ANKRD13C: variants seen among roughly 807,000 people sequenced by gnomAD.
ANKRD13C encodes the protein ankyrin repeat domain-containing protein 13C.
In ANKRD13C, 16 loss-of-function variants were observed where a neutral mutation model predicts 65.5. The observed-to-expected ratio is 0.24, with a 90% confidence interval of 0.17 to 0.37. ANKRD13C has a LOEUF of 0.37. Ranked by LOEUF, ANKRD13C falls within the 10% of genes least tolerant of loss-of-function variation. ANKRD13C has a pLI of 1.00. For missense variants in ANKRD13C, 503 were observed against 655.9 expected, an observed-to-expected ratio of 0.77 and a Z score of 2.55; for synonymous variants, 235 against 238.7, an observed-to-expected ratio of 0.98 and a Z score of 0.14.
chr1:70,318,310 C>G (rs1208997695), intron 3 of ANKRD13C, among the ~76,000 whole-genome samples: 1 of 152,008 alleles, frequency 6.6e-6, no homozygotes, highest in African/African-American at 2.4e-5. Flanking sequence ...GTCCATAAAC[C>G]ACAACTAATT....
intron 11 of ANKRD13C, among the ~76,000 whole-genome samples, chr1:70,272,994 T>A (rs1448379432): frequency 2.0e-5 from 3 of 148,470 alleles, no homozygotes; most frequent in Non-Finnish European, 3.0e-5. Flanking sequence ...TCTCAAAAAA[T>A]AAATAAATAA....
rs1368048914 is a variant in ANKRD13C at position 70,313,732 on chromosome 1, A to T, written c.709+13T>A. On this transcript the variant is annotated intron_variant, in intron 5 of 12. Transcript: ENST00000370944. ...AAGTACATATTTTATACTAAAACAT[A>T]GCATACTCTTACCCCAGCTTTGAAA... The T allele has an allele frequency of 6.3e-7, 1 of 1,594,982 alleles. No individual in the cohort carries two copies. The highest frequency in any genetic ancestry group is 8.6e-7 in the Non-Finnish European group (1 of 1,163,882).
At chr1:70,312,940 G>GT (rs1346996872) in intron 5 of ANKRD13C, among the ~76,000 whole-genome samples, 3 of 152,050 alleles carry the variant, frequency 2.0e-5, no homozygotes, top group Non-Finnish European at 4.4e-5. Flanking sequence ...AGGATCTTTC[G>GT]TAAGTCACTG....
intron 1 of ANKRD13C, 116 bp downstream of exon 1, chr1:70,353,863 C>T (rs892040785): frequency 3.7e-6 from 5 of 1,356,716 alleles, no homozygotes; most frequent in African/African-American, 1.5e-5. Flanking sequence ...CCGAACGGCC[C>T]GGATGATGGG....
intron 2 of ANKRD13C, among the ~76,000 whole-genome samples, chr1:70,328,510 C>T (rs1052987562): frequency 7.9e-5 from 12 of 151,860 alleles, no homozygotes; most frequent in Admixed American, 6.6e-5. Flanking sequence ...TAAAAATACA[C>T]AAAGTAGCCA....
At chr1:70,334,201 T>A (rs558576922) in intron 2 of ANKRD13C, among the ~76,000 whole-genome samples, 2 of 152,136 alleles carry the variant, frequency 1.3e-5, no homozygotes, top group Admixed American at 6.6e-5. Context: ...GGCATGTGCA[T>A]CTAGTCCTTG....
At chr1:70,339,944 G>A (rs1346555593) in intron 1 of ANKRD13C, among the ~76,000 whole-genome samples, 1 of 150,932 alleles carries the variant, frequency 6.6e-6, no homozygotes, top group Non-Finnish European at 1.5e-5. Flanking sequence ...CAACCTTCCA[G>A]GCTCAAGTGA....
rs950004626 is a variant in ANKRD13C at position 70,287,745 on chromosome 1, G to A, written c.1215+4643C>T. Among the ~76,000 whole-genome samples the A allele has an allele frequency of 2.0e-5, 3 of 152,284 alleles. No homozygotes were observed. The South Asian group carries it at 6.2e-4, about 32-fold the overall frequency. ...CTTTGGGCCAGGCATAATGGCTCAT[G>A]CCTATAATCCCAGCACTTTGGGAAG... On this transcript the variant is annotated intron_variant, in intron 9 of 12. Transcript: ENST00000370944.
chr1:70,328,027 T>G (rs1245879320), intron 2 of ANKRD13C, among the ~76,000 whole-genome samples: 1 of 151,968 alleles, frequency 6.6e-6, no homozygotes, highest in Admixed American at 6.6e-5. Context: ...ACTGTACCAC[T>G]GAGCGAGACT....
At chr1:70,349,925 C>A (rs1187830050) in intron 1 of ANKRD13C, among the ~76,000 whole-genome samples, 1 of 152,190 alleles carries the variant, frequency 6.6e-6, no homozygotes, top group African/African-American at 2.4e-5. Context: ...CACTTGAGGT[C>A]AGGCGTTCCA....
intron 9 of ANKRD13C, among the ~76,000 whole-genome samples, chr1:70,289,656 T>G (rs1474705374): frequency 6.6e-6 from 1 of 151,370 alleles, no homozygotes; most frequent in Non-Finnish European, 1.5e-5. Flanking sequence ...TTTTGTATTT[T>G]TAGTAGAGAC....
intron 7 of ANKRD13C, among the ~76,000 whole-genome samples, chr1:70,300,530 G>A (rs964860423): frequency 6.6e-6 from 1 of 152,102 alleles, no homozygotes; most frequent in African/African-American, 2.4e-5. Context: ...GGAGGTTGCA[G>A]TGAGCCTAGA....
At chr1:70,322,069 C>G (rs1359657366) in intron 3 of ANKRD13C, among the ~76,000 whole-genome samples, 1 of 151,916 alleles carries the variant, frequency 6.6e-6, no homozygotes, top group African/African-American at 2.4e-5. Context: ...AATCCCAGCA[C>G]TTTGGGAGGC....
intron 2 of ANKRD13C, among the ~76,000 whole-genome samples, chr1:70,330,634 C>G (rs1281434023): frequency 2.1e-5 from 3 of 141,930 alleles, no homozygotes; most frequent in Admixed American, 2.1e-4. Flanking sequence ...TAAAGACGAT[C>G]AAATATAGAG....
Position 70,262,943 on chromosome 1 carries a change from T to TAAAAAAAAAAAAA in ANKRD13C, c.1496-109_1496-97dup, listed in dbSNP as rs34241203. ...GGAGATGTCCATACTCCTTAAAATG[T>TAAAAAAAAAAAAA]AAAAAAAAAAAAAAAAATACTCAAG... On this transcript the variant is annotated intron_variant, in intron 12 of 12. Coordinates refer to ENST00000370944, the MANE Select transcript of ANKRD13C (RefSeq NM_030816.5). The TAAAAAAAAAAAAA allele has an allele frequency of 9.3e-4, 426 of 460,358 alleles. 3 individuals are homozygous for TAAAAAAAAAAAAA. Among genetic ancestry groups the TAAAAAAAAAAAAA allele is most frequent in the African/African-American group, 3.1e-3 (125 of 40,696 alleles). 28.5% of individuals were successfully genotyped at this position (460,358 alleles called of 1,614,324 possible).
intron 3 of ANKRD13C, among the ~76,000 whole-genome samples, chr1:70,324,285 A>C (rs1267664549): frequency 6.6e-6 from 1 of 152,254 alleles, no homozygotes; most frequent in African/African-American, 2.4e-5. Context: ...TATACTTGAC[A>C]AAAATAAGAT....
At chr1:70,347,193 T>C (rs1007711497) in intron 1 of ANKRD13C, among the ~76,000 whole-genome samples, 5 of 151,738 alleles carry the variant, frequency 3.3e-5, no homozygotes, top group Non-Finnish European at 5.9e-5. Flanking sequence ...TTTCCCTTTT[T>C]CCTATCCCTA....
At chr1:70,285,379 G>A (rs1462952359) in intron 9 of ANKRD13C, among the ~76,000 whole-genome samples, 1 of 151,536 alleles carries the variant, frequency 6.6e-6, no homozygotes, top group Non-Finnish European at 1.5e-5. Flanking sequence ...ATATTTAGTT[G>A]ATATGGGGTT....
At chr1:70,305,758 G>C (rs1314835205) in intron 6 of ANKRD13C, 3 of 152,162 alleles carry the variant, frequency 2.0e-5, no homozygotes, top group African/African-American at 7.2e-5. Context: ...GGATTGGATA[G>C]ATCAATGAAT....
Sources: gnomAD v4.1 joint callset for allele counts (sites outside exome capture counted in the v4.1 genomes callset) on GRCh38, gnomAD v4.1.1 for gene constraint, MANE v1.5 for transcripts, NCBI Gene and HGNC (gene_info 2026-07-23, HGNC 2026-07-21) for gene names.